CXCL17: variants seen among roughly 807,000 people sequenced by gnomAD.
The protein encoded by CXCL17 is C-X-C motif chemokine ligand 17.
A neutral mutation model predicts 15.5 loss-of-function variants in CXCL17; 9 were observed. The observed-to-expected ratio is 0.58, with a 90% CI of 0.35 to 1.01. The LOEUF is 1.01. Among genes scored for constraint, CXCL17 ranks in the 50% least tolerant of loss-of-function variants. The pLI is 0.02. For synonymous variants in CXCL17, 52 were observed against 52.3 expected, an observed-to-expected ratio of 0.99 and a Z score of 0.02; for missense variants, 133 against 138.2, an observed-to-expected ratio of 0.96 and a Z score of 0.19.
chr19:42,439,641 T>C (rs1360390959), intron 1 of CXCL17, among the ~76,000 whole-genome samples: 1 of 152,214 alleles, frequency 6.6e-6, no homozygotes, highest in Non-Finnish European at 1.5e-5. Flanking sequence ...GATATCGACA[T>C]CCTGGGGCTC....
intron 1 of CXCL17, among the ~76,000 whole-genome samples, chr19:42,441,480 G>A (rs891996200): frequency 2.0e-5 from 3 of 152,146 alleles, no homozygotes; most frequent in African/African-American, 7.2e-5. Context: ...AAGGCAGGTT[G>A]GGGCTACAGC....
chr19:42,430,722 TTTTC>T (rs1191094260), intron 3 of CXCL17, among the ~76,000 whole-genome samples: 1 of 152,208 alleles, frequency 6.6e-6, no homozygotes, highest in Non-Finnish European at 1.5e-5. Context: ...ATTTACTTTC[TTTTC>T]TTTATTATTT....
chr19:42,434,114 G>A (rs1451806734), intron 1 of CXCL17, among the ~76,000 whole-genome samples: 2 of 151,952 alleles, frequency 1.3e-5, no homozygotes, highest in Admixed American at 6.5e-5. Context: ...GATTATAGGC[G>A]TGAGCCACTG....
intron 1 of CXCL17, among the ~76,000 whole-genome samples, chr19:42,436,501 C>A (rs1375588854): frequency 6.7e-6 from 1 of 149,448 alleles, no homozygotes; most frequent in African/African-American, 2.5e-5. Flanking sequence ...TTTTTTCAGT[C>A]TAAATGTAAT....
chr19:42,435,668 A>G (rs1325325681), intron 1 of CXCL17, among the ~76,000 whole-genome samples: 2 of 152,064 alleles, frequency 1.3e-5, no homozygotes, highest in Non-Finnish European at 2.9e-5. Flanking sequence ...TGTCTTTACT[A>G]AAAATACAAA....
At chr19:42,442,368 G>A (rs1177769023) in intron 1 of CXCL17, among the ~76,000 whole-genome samples, 1 of 151,662 alleles carries the variant, frequency 6.6e-6, no homozygotes, top group African/African-American at 2.4e-5. Context: ...TGAGTAGCTG[G>A]GACTACAGGT....
Position 42,433,847 on chromosome 19 carries a change from C to G in CXCL17, c.89G>C (p.Arg30Thr), listed in dbSNP as rs1299742783. The change falls in exon 2 of 4, where the codon AGA becomes ACA. Residue 30 changes from arginine (R) to threonine (T), a missense_variant. Physicochemically the swap from Arg to Thr is moderately conservative, Grantham distance 71. Coordinates refer to ENST00000601181, the MANE Select transcript of CXCL17 (RefSeq NM_198477.3). ...AGCCTGGCCTCGGTCCCTGTGGCCT[C>G]TGGCGACCCCTGTCGGAAGGAAACA... is the stretch of plus-strand genomic sequence containing the variant. ...VSSSLNPGVA[R>T]GHRDRGQASR... is the part of the protein sequence containing the mutation. The G allele has an allele frequency of 6.2e-7, 1 of 1,613,746 alleles. No individual in the cohort carries two copies. The highest frequency in any genetic ancestry group is 1.3e-5 in the African/African-American group (1 of 74,920).
rs142512005 is a variant in CXCL17, at chr19:42,428,760, A to G, written c.*124T>C. On this transcript the variant is annotated 3_prime_UTR_variant, in exon 4 of 4. Transcript: ENST00000601181. ...CTTGAAAAACATGCTTTTTGAGAGC[A>G]CTGGAATGATTTAGGGGTGGGTACA... The G allele has an allele frequency of 2.3e-4, 170 of 739,148 alleles. No individual in the cohort carries two copies. Among genetic ancestry groups the G allele is most frequent in the Non-Finnish European group, 3.7e-4 (152 of 413,592 alleles). The allele number at this position is 739,148 out of a possible 1,614,324, so 45.8% of individuals were successfully genotyped here.
At chr19:42,436,947 A>T (rs1003045041) in intron 1 of CXCL17, among the ~76,000 whole-genome samples, 4 of 151,810 alleles carry the variant, frequency 2.6e-5, no homozygotes, top group African/African-American at 9.7e-5. Context: ...TTATTTATTT[A>T]TTTTTTTTGA....
intron 1 of CXCL17, among the ~76,000 whole-genome samples, chr19:42,441,187 CA>C (rs1330963792): frequency 3.3e-5 from 5 of 152,186 alleles, no homozygotes; most frequent in East Asian, 3.9e-4. Flanking sequence ...CCTAGAAGGA[CA>C]GGGGGTGGGG....
Position 42,433,291 on chromosome 19 carries a change from G to A in CXCL17, c.161-214C>T, listed in dbSNP as rs75833155. On this transcript the variant is annotated intron_variant, in intron 2 of 3. Transcript: ENST00000601181. ...AACTTTGGGCAAGGTTTGGGCAAGG[G>A]TTTGGGCAAGGGTTTGGTGGCAGGT... is the stretch of plus-strand genomic sequence containing the variant. Among the ~76,000 whole-genome samples the A allele has an allele frequency of 8.1e-4, 124 of 152,294 alleles. 1 individual carries two copies. The East Asian group carries it at 0.021, about 26-fold the overall frequency.
intron 1 of CXCL17, 24 bp downstream of exon 1, chr19:42,442,730 C>G (rs374154215): frequency 7.6e-6 from 12 of 1,572,774 alleles, no homozygotes; most frequent in Non-Finnish European, 1.0e-5. Context: ...CCCCGTTTTC[C>G]CCTTCATAGA....
At chr19:42,433,947 A>G (rs549239311) in intron 1 of CXCL17, 91 bp from the exon 2 acceptor site, 24 of 856,234 alleles carry the variant, frequency 2.8e-5, no homozygotes, top group Non-Finnish European at 4.5e-5. Flanking sequence ...GCACAGTTCC[A>G]TTTTTCCATT....
chr19:42,430,827 C>T (rs1407071986), intron 3 of CXCL17, among the ~76,000 whole-genome samples: 3 of 151,296 alleles, frequency 2.0e-5, no homozygotes, highest in Admixed American at 1.3e-4. Flanking sequence ...ATGTTTATGT[C>T]TCTCCCCATT....
At chr19:42,433,553 C>T (rs533143845) in intron 2 of CXCL17, among the ~76,000 whole-genome samples, 2 of 152,306 alleles carry the variant, frequency 1.3e-5, no homozygotes, top group South Asian at 2.1e-4. Context: ...AGGGGCAGGG[C>T]GCAGCCTGAC....
chr19:42,431,104 T>G (rs535082449), intron 3 of CXCL17, among the ~76,000 whole-genome samples: 155 of 152,350 alleles, frequency 1.0e-3, no homozygotes, highest in African/African-American at 3.5e-3. Flanking sequence ...CCTCCCAAAG[T>G]GCTGGGATTA....
At position 42,428,842 on chromosome 19, in the gene CXCL17, T is replaced by C; in HGVS notation, c.*42A>G. The C allele has an allele frequency of 1.4e-6, 2 of 1,479,166 alleles. No homozygotes were observed. Among genetic ancestry groups the C allele is most frequent in the African/African-American group, 2.8e-5 (2 of 72,208 alleles). 91.6% of individuals were successfully genotyped at this position (1,479,166 alleles called of 1,614,324 possible). The stretch of plus-strand genomic sequence containing the variant: ...CTGGTAGGTGTGCTCACTGTCTTCT[T>C]GGCTGAGAATGTTTAATTGGAAGAG... On this transcript the variant is annotated 3_prime_UTR_variant, in exon 4 of 4. Transcript: ENST00000601181.
intron 1 of CXCL17, among the ~76,000 whole-genome samples, chr19:42,441,893 T>A (rs1246077688): frequency 6.6e-6 from 1 of 152,236 alleles, no homozygotes; most frequent in Non-Finnish European, 1.5e-5. Flanking sequence ...GGGCTTGCTA[T>A]GGATAAAGCT....
intron 1 of CXCL17, among the ~76,000 whole-genome samples, chr19:42,437,628 G>A (rs1028338334): frequency 3.3e-5 from 5 of 152,196 alleles, no homozygotes; most frequent in African/African-American, 1.2e-4. Flanking sequence ...CCAGGCGGGT[G>A]TTGAGTACAT....
Sources: gnomAD v4.1 joint callset for allele counts (sites outside exome capture counted in the v4.1 genomes callset) on GRCh38, gnomAD v4.1.1 for gene constraint, MANE v1.5 for transcripts, NCBI Gene and HGNC (gene_info 2026-07-23, HGNC 2026-07-21) for gene names.